Variants in TRPC7 observed in about 807,000 individuals in gnomAD.
TRPC7 encodes short transient receptor potential channel 7.
TRPC7 carries 42 observed loss-of-function variants against 90.1 expected under a neutral mutation model. The observed-to-expected ratio is 0.47, with a 90% CI of 0.36 to 0.60. The LOEUF (loss-of-function observed/expected upper bound fraction) is 0.60. Ranked by LOEUF, TRPC7 falls within the 20% of genes least tolerant of loss-of-function variation. The pLI, the probability that TRPC7 is intolerant of heterozygous loss-of-function variation, is 0.00. For missense variants in TRPC7, 955 were observed against 1,112.3 expected, an observed-to-expected ratio of 0.86 and a Z score of 2.01; for synonymous variants, 451 against 436.3, an observed-to-expected ratio of 1.03 and a Z score of -0.42.
chr5:136,317,909 G>T (rs1034462122), intron 2 of TRPC7, among the ~76,000 whole-genome samples: 1 of 152,304 alleles, frequency 6.6e-6, no homozygotes, highest in South Asian at 2.1e-4. Flanking sequence ...CAGAACAGAA[G>T]GTGACACTTC....
intron 10 of TRPC7, among the ~76,000 whole-genome samples, chr5:136,222,792 C>G (rs1030923816): frequency 4.6e-5 from 7 of 152,192 alleles, no homozygotes; most frequent in East Asian, 1.9e-4. Context: ...AGGGGGGGCC[C>G]TCTGAGTCAG....
chr5:136,267,757 T>A (rs1349958896), intron 4 of TRPC7, among the ~76,000 whole-genome samples: 1 of 152,242 alleles, frequency 6.6e-6, no homozygotes, highest in African/African-American at 2.4e-5. Context: ...TTATCTTTTT[T>A]AAAAATCTAG....
At chr5:136,294,779 C>T (rs1758103679) in intron 3 of TRPC7, among the ~76,000 whole-genome samples, 1 of 152,204 alleles carries the variant, frequency 6.6e-6, no homozygotes, top group Non-Finnish European at 1.5e-5. Flanking sequence ...ACCCAGCCAT[C>T]CCATTACTGG....
In TRPC7 at chr5:136,226,268, G is replaced by T; in HGVS notation, c.2041-13C>A. The T allele has an allele frequency of 6.5e-7, 1 of 1,546,926 alleles. No homozygotes were observed. The highest frequency in any genetic ancestry group is 8.7e-7 in the Non-Finnish European group (1 of 1,142,952). The stretch of plus-strand genomic sequence containing the variant: ...CATCTGCATCCTCCTGTGGAACAAG[G>T]GAAACAACAACACACCCTCAAAGGC... On this transcript the variant is annotated splice_polypyrimidine_tract_variant and intron_variant, in intron 8 of 11. Coordinates refer to ENST00000513104, the MANE Select transcript of TRPC7 (RefSeq NM_020389.3).
rs115392254 is a variant in TRPC7 at position 136,267,267 on chromosome 5, G to A, written c.1129-831C>T. Among the ~76,000 whole-genome samples, 1,022 of 152,242 alleles carry A rather than the reference G, an allele frequency of 6.7e-3. 9 individuals are homozygous for A. Among genetic ancestry groups the A allele is most frequent in the African/African-American group, 0.023 (949 of 41,534 alleles). On this transcript the variant is annotated intron_variant, in intron 4 of 11. Transcript: ENST00000513104. Reference sequence around the variant, plus strand: ...CCACTTGGATCTTTGGGATCGAATTGAGGGCTGCACGTTGAGTACTTGCCA... The same window carrying A: ...CCACTTGGATCTTTGGGATCGAATTAAGGGCTGCACGTTGAGTACTTGCCA...
intron 2 of TRPC7, among the ~76,000 whole-genome samples, chr5:136,317,613 G>A (rs1180862726): frequency 6.6e-6 from 1 of 152,148 alleles, no homozygotes; most frequent in Non-Finnish European, 1.5e-5. Context: ...GGCAACTCAG[G>A]TTCCTTAAAT....
intron 5 of TRPC7, among the ~76,000 whole-genome samples, chr5:136,258,009 G>T (rs1426879043): frequency 6.6e-6 from 1 of 152,160 alleles, no homozygotes; most frequent in Non-Finnish European, 1.5e-5. Context: ...CCCTTGATTT[G>T]CTGTGGGTCT....
intron 2 of TRPC7, among the ~76,000 whole-genome samples, chr5:136,333,925 T>A (rs1277849228): frequency 2.6e-5 from 4 of 152,242 alleles, no homozygotes; most frequent in Admixed American, 1.3e-4. Context: ...AGTGTTTAAA[T>A]CTGACTGTTT....
intron 8 of TRPC7, among the ~76,000 whole-genome samples, chr5:136,230,740 C>T (rs17750709): frequency 0.024 from 3,716 of 152,206 alleles, 66 homozygotes; most frequent in South Asian, 0.054. Flanking sequence ...TTCTCTCAAC[C>T]CCTTTATCTG....
chr5:136,216,350 C>A, intron 10 of TRPC7, 75 bp from the exon 11 acceptor site: 2 of 1,166,474 alleles, frequency 1.7e-6, no homozygotes, highest in Admixed American at 2.0e-5. Flanking sequence ...GTAGCAGGAC[C>A]CCTCCCTCCC....
chr5:136,244,082 T>C (rs1756254674), intron 7 of TRPC7, among the ~76,000 whole-genome samples: 1 of 152,124 alleles, frequency 6.6e-6, no homozygotes, highest in South Asian at 2.1e-4. Flanking sequence ...AGTTGAGAAT[T>C]GTGGCTAGGT....
chr5:136,362,044 A>G (rs1760584497), intron 1 of TRPC7, among the ~76,000 whole-genome samples: 2 of 152,196 alleles, frequency 1.3e-5, no homozygotes, highest in Non-Finnish European at 2.9e-5. Flanking sequence ...GTACACAATT[A>G]TTAGAATTGT....
intron 10 of TRPC7, among the ~76,000 whole-genome samples, chr5:136,220,855 A>C (rs535114101): frequency 4.6e-5 from 7 of 151,880 alleles, no homozygotes; most frequent in Non-Finnish European, 2.9e-5. Flanking sequence ...ATATGATGTC[A>C]CCCCCGGAGG....
chr5:136,276,619 T>C (rs1757374628), intron 3 of TRPC7, among the ~76,000 whole-genome samples: 1 of 152,204 alleles, frequency 6.6e-6, no homozygotes, highest in Non-Finnish European at 1.5e-5. Context: ...GACAATACCA[T>C]TACTTGAAAT....
At chr5:136,352,700 A>G (rs1214674828) in intron 2 of TRPC7, among the ~76,000 whole-genome samples, 1 of 152,190 alleles carries the variant, frequency 6.6e-6, no homozygotes, top group East Asian at 1.9e-4. Flanking sequence ...AGATAAACCA[A>G]TCAACCAAAA....
At chr5:136,349,899 C>A (rs942701868) in intron 2 of TRPC7, among the ~76,000 whole-genome samples, 23 of 152,162 alleles carry the variant, frequency 1.5e-4, no homozygotes, top group Non-Finnish European at 3.2e-4. Flanking sequence ...ACAGGTATAT[C>A]ATTAAAAATT....
At chr5:136,302,456 C>T (rs1042742532) in intron 3 of TRPC7, among the ~76,000 whole-genome samples, 2 of 152,146 alleles carry the variant, frequency 1.3e-5, no homozygotes, top group South Asian at 2.1e-4. Context: ...TATTTCCATG[C>T]CCCGACCCCT....
intron 5 of TRPC7, among the ~76,000 whole-genome samples, chr5:136,256,613 C>T (rs1258225824): frequency 6.6e-6 from 1 of 151,730 alleles, no homozygotes; most frequent in Non-Finnish European, 1.5e-5. Context: ...TGCAGATCCT[C>T]CTCTAGTGGA....
At position 136,213,974 on chromosome 5, in the gene TRPC7, C is replaced by A. The variant is rs891968922; in HGVS notation, c.2420-370G>T. 1.9e-5 allele frequency: 4 copies of A among 210,398 alleles called. No homozygotes were observed. In the Admixed American group the frequency reaches 2.1e-4, roughly 11 times the overall value. 13.0% of individuals were successfully genotyped at this position (210,398 alleles called of 1,614,324 possible). Reference sequence around the variant, plus strand: ...ATTTCAAGACTCTGGAAAACAACCCCATTAACCAGAGCATTGCTTTTGATG... The same window carrying A: ...ATTTCAAGACTCTGGAAAACAACCCAATTAACCAGAGCATTGCTTTTGATG... On this transcript the variant is annotated intron_variant, in intron 11 of 11. Coordinates refer to ENST00000513104, the MANE Select transcript of TRPC7 (RefSeq NM_020389.3).
Sources: gnomAD v4.1 joint callset for allele counts (sites outside exome capture counted in the v4.1 genomes callset) on GRCh38, gnomAD v4.1.1 for gene constraint, MANE v1.5 for transcripts, NCBI Gene and HGNC (gene_info 2026-07-23, HGNC 2026-07-21) for gene names.